Variants in PDILT observed in about 807,000 individuals in gnomAD.
The protein encoded by PDILT is protein disulfide-isomerase-like protein of the testis.
In PDILT, 43 loss-of-function variants were observed where a neutral mutation model predicts 53.7. That is an observed-to-expected ratio of 0.80 (90% CI 0.63 to 1.03). The LOEUF is 1.03. PDILT is among the 50% of genes least tolerant of loss of function. PDILT has a pLI of 0.00. For missense variants in PDILT, 727 were observed against 712.3 expected (o/e 1.02, Z -0.24); for synonymous variants, 282 against 274.2 (o/e 1.03, Z -0.28).
intron 3 of PDILT, among the ~76,000 whole-genome samples, chr16:20,379,778 T>G (rs1966437134): frequency 6.6e-6 from 1 of 152,182 alleles, no homozygotes; most frequent in South Asian, 2.1e-4. Flanking sequence ...GTCAAACCTA[T>G]GGAAATTCAT....
chr16:20,397,303 C>G (rs577570323), intron 2 of PDILT, among the ~76,000 whole-genome samples: 5 of 152,088 alleles, frequency 3.3e-5, no homozygotes, highest in South Asian at 2.1e-4. Flanking sequence ...TCCTAGCCAA[C>G]TTTTGTATTT....
chr16:20,386,550 C>G (rs1286240435), intron 2 of PDILT, among the ~76,000 whole-genome samples: 1 of 152,196 alleles, frequency 6.6e-6, no homozygotes, highest in African/African-American at 2.4e-5. Flanking sequence ...GCGAGGGCCC[C>G]GTTGCTGGTC....
intron 3 of PDILT, among the ~76,000 whole-genome samples, chr16:20,382,637 G>T (rs13334633): frequency 0.13 from 20,253 of 152,228 alleles, 1,682 homozygotes; most frequent in African/African-American, 0.23. Context: ...TGACATAGGA[G>T]AAGGGTCTAG....
At chr16:20,376,771 C>T (rs550289473) in intron 3 of PDILT, among the ~76,000 whole-genome samples, 35 of 152,272 alleles carry the variant, frequency 2.3e-4, no homozygotes, top group African/African-American at 8.4e-4. Flanking sequence ...TGCCATTTCT[C>T]AGCTATAGCA....
At position 20,376,111 on chromosome 16, in the gene PDILT, T is replaced by C. The variant is rs1341131559; in HGVS notation, c.500A>G (p.Glu167Gly). 6.2e-7 allele frequency: 1 copy of C among 1,614,120 alleles called. No individual in the cohort carries two copies. The highest frequency in any genetic ancestry group is 1.7e-5 in the Admixed American group (1 of 60,012). Residue 167 changes from glutamate to glycine, a missense_variant, in exon 4 of 12, where the codon GAG becomes GGG. Transcript: ENST00000302451. ...FLFNSSEQVA[E>G]FVISRPLVIV... ...GACCAAGGGCCTGGATATCACAAAC[T>C]CTGCCACCTGCTCGCTGCTGTTGAA... is the stretch of plus-strand genomic sequence containing the variant.
rs776330178 is a variant in PDILT, at chr16:20,373,012, C to T, written c.792G>A (p.Glu264=). Residue 264 remains glutamate, a splice_region_variant and synonymous_variant, in exon 6 of 12, where the codon GAG becomes GAA. Coordinates refer to ENST00000302451, the MANE Select transcript of PDILT (RefSeq NM_174924.2). ...CTCCGGGGACCATTTACTCACTGAC[C>T]TCAGTGTTGTATTCGATCACAAAAT... is the stretch of plus-strand genomic sequence containing the variant. ...LTDFVIEYNT[E]NKDLISELHI... 10 of 1,613,992 alleles carry T rather than the reference C, an allele frequency of 6.2e-6. No individual in the cohort carries two copies. In the South Asian group the frequency reaches 9.9e-5, roughly 16 times the overall value.
At chr16:20,359,619 A>G (rs1966068395) in intron 11 of PDILT, 52 bp from the exon 12 acceptor site, 1 of 1,528,192 alleles carries the variant, frequency 6.5e-7, no homozygotes, top group African/African-American at 1.4e-5. Context: ...AAAGGGAGAA[A>G]GAAATAAAGA....
At chr16:20,386,546 G>A (rs1179818742) in intron 2 of PDILT, among the ~76,000 whole-genome samples, 3 of 152,288 alleles carry the variant, frequency 2.0e-5, no homozygotes, top group African/African-American at 4.8e-5. Context: ...GCTGGCGAGG[G>A]CCCCGTTGCT....
intron 2 of PDILT, among the ~76,000 whole-genome samples, chr16:20,387,488 G>A (rs1221992929): frequency 6.6e-6 from 1 of 152,192 alleles, no homozygotes; most frequent in Non-Finnish European, 1.5e-5. Context: ...GAGTGAGCTG[G>A]GGCCAGGGGA....
intron 7 of PDILT, among the ~76,000 whole-genome samples, 156 bp from the exon 8 acceptor site, chr16:20,369,845 T>A (rs1002045466): frequency 6.6e-6 from 1 of 152,220 alleles, no homozygotes; most frequent in Non-Finnish European, 1.5e-5. Flanking sequence ...CCGAAATGCA[T>A]GGCAGGCAGT....
At chr16:20,367,088 T>TTTCC (rs1966222518) in intron 8 of PDILT, among the ~76,000 whole-genome samples, 1 of 110,752 alleles carries the variant, frequency 9.0e-6, no homozygotes, top group Non-Finnish European at 1.9e-5. Context: ...TCTTTCTTTC[T>TTTCC]TTCTTTCTTT....
chr16:20,366,987 C>CCTTCCTTTCTTT (rs1491455435), intron 8 of PDILT, among the ~76,000 whole-genome samples: 1 of 82,992 alleles, frequency 1.2e-5, no homozygotes, highest in East Asian at 2.6e-4. Flanking sequence ...TTCCTTCCTT[C>CCTTCCTTTCTTT]CTTTCTTTCT....
At chr16:20,360,420 T>A in intron 11 of PDILT, 148 bp downstream of exon 11, 2 of 749,422 alleles carry the variant, frequency 2.7e-6, no homozygotes, top group South Asian at 3.3e-5. Context: ...AGGTGACTAG[T>A]AGAGTCACCC....
At chr16:20,386,843 C>T (rs558183524) in intron 2 of PDILT, among the ~76,000 whole-genome samples, 5 of 152,208 alleles carry the variant, frequency 3.3e-5, no homozygotes, top group African/African-American at 1.2e-4. Flanking sequence ...ACATAGAATC[C>T]GAATCTGAGT....
chr16:20,391,979 T>C (rs1966611217), intron 2 of PDILT, among the ~76,000 whole-genome samples: 3 of 151,660 alleles, frequency 2.0e-5, no homozygotes, highest in South Asian at 2.1e-4. Flanking sequence ...CTGAATGACC[T>C]GATCAGATTT....
At chr16:20,389,500 G>A (rs1407294330) in intron 2 of PDILT, among the ~76,000 whole-genome samples, 2 of 152,154 alleles carry the variant, frequency 1.3e-5, no homozygotes, top group Non-Finnish European at 2.9e-5. Context: ...GCAATGTCAG[G>A]AACCCCAAAG....
At chr16:20,400,987 T>C (rs1325697548) in intron 1 of PDILT, among the ~76,000 whole-genome samples, 1 of 152,224 alleles carries the variant, frequency 6.6e-6, no homozygotes, top group Admixed American at 6.5e-5. Flanking sequence ...TGAATTGTCA[T>C]TGCTTGTTTT....
At chr16:20,385,114 C>G (rs373970152) in intron 2 of PDILT, among the ~76,000 whole-genome samples, 1 of 152,184 alleles carries the variant, frequency 6.6e-6, no homozygotes, top group Non-Finnish European at 1.5e-5. Context: ...TCTCTGAGCT[C>G]CACTTCTCTT....
rs1966363322 is a variant in PDILT, at chr16:20,374,957, A to G, written c.546T>C (p.Asp182=). The change falls in exon 5 of 12, where the codon GAT becomes GAC. Residue 182 remains aspartate, a splice_region_variant and synonymous_variant. Transcript: ENST00000302451. ...ACAACTCTGCTACTTCTTCCTCTAA[A>G]TCCTATTTGGGAAAGGATGTTTGGA... ...RPLVIVGFFQ[D]LEEEVAELFY... 3 of 1,604,632 alleles carry G rather than the reference A, an allele frequency of 1.9e-6. No individual in the cohort carries two copies. The highest frequency in any genetic ancestry group is 2.2e-5 in the South Asian group (2 of 89,900).
Sources: gnomAD v4.1 joint callset for allele counts (sites outside exome capture counted in the v4.1 genomes callset) on GRCh38, gnomAD v4.1.1 for gene constraint, MANE v1.5 for transcripts, NCBI Gene and HGNC (gene_info 2026-07-23, HGNC 2026-07-21) for gene names.